CTBP2: variants seen among roughly 807,000 people sequenced by gnomAD.
CTBP2 encodes C-terminal binding protein 2.
A neutral mutation model predicts 80.3 loss-of-function variants in CTBP2; 30 were observed. The ratio of observed to expected loss-of-function variants is 0.37; its 90% CI spans 0.28 to 0.51. CTBP2 has a LOEUF of 0.51. Ranked by LOEUF, CTBP2 falls within the 20% of genes least tolerant of loss-of-function variation. The pLI is 0.93. For synonymous variants in CTBP2, 594 were observed against 587.4 expected (o/e 1.01, Z -0.16); for missense variants, 1,212 against 1,375.3 (o/e 0.88, Z 1.88).
At chr10:125,002,066 A>G (rs1377194659) in intron 3 of CTBP2, among the ~76,000 whole-genome samples, 2 of 152,224 alleles carry the variant, frequency 1.3e-5, no homozygotes, top group Non-Finnish European at 2.9e-5. Context: ...CGCCTGGGCT[A>G]TTCCTGGAGC....
At chr10:125,083,629 G>A (rs995547012) in intron 2 of CTBP2, among the ~76,000 whole-genome samples, 1 of 150,870 alleles carries the variant, frequency 6.6e-6, no homozygotes, top group South Asian at 2.1e-4. Context: ...GGATACACTC[G>A]CTGTTGTTTG....
At chr10:125,092,691 C>T (rs752178226) in intron 2 of CTBP2, among the ~76,000 whole-genome samples, 4 of 152,130 alleles carry the variant, frequency 2.6e-5, no homozygotes, top group South Asian at 2.1e-4. Context: ...GTGGTGCCAT[C>T]GGGAGGTGGT....
At chr10:125,136,026 G>T (rs1856921460) in intron 1 of CTBP2, among the ~76,000 whole-genome samples, 1 of 152,234 alleles carries the variant, frequency 6.6e-6, no homozygotes, top group Non-Finnish European at 1.5e-5. Context: ...TCCCTACCTG[G>T]TTGTTCATTA....
intron 1 of CTBP2, among the ~76,000 whole-genome samples, chr10:125,022,110 T>TG (rs1564726777): frequency 6.6e-6 from 1 of 152,254 alleles, no homozygotes; most frequent in Non-Finnish European, 1.5e-5. Flanking sequence ...CACTTCCATC[T>TG]GCCCCACGCC....
chr10:125,071,802 C>G (rs1457579417), intron 2 of CTBP2, among the ~76,000 whole-genome samples: 1 of 152,132 alleles, frequency 6.6e-6, no homozygotes, highest in Non-Finnish European at 1.5e-5. Flanking sequence ...TACCACCACC[C>G]CCAAACATTC....
At chr10:125,007,689 C>A (rs1955418249) in intron 1 of CTBP2, among the ~76,000 whole-genome samples, 1 of 152,234 alleles carries the variant, frequency 6.6e-6, no homozygotes, top group African/African-American at 2.4e-5. Flanking sequence ...CAAGAAGGAA[C>A]TGGATTGATC....
intron 4 of CTBP2, chr10:124,997,348 GGGACC>G: frequency 1.3e-5 from 2 of 154,844 alleles, no homozygotes; most frequent in Admixed American, 6.3e-5. Flanking sequence ...GAGCAGGGTG[GGGACC>G]TCCTCGAGCC....
chr10:124,997,823 C>G, intron 4 of CTBP2, 141 bp downstream of exon 6: 1 of 816,516 alleles, frequency 1.2e-6, no homozygotes, highest in South Asian at 1.7e-5. Flanking sequence ...GATCTCCTAC[C>G]CCGTGCAACA....
intron 1 of CTBP2, among the ~76,000 whole-genome samples, chr10:125,018,661 C>T (rs1318528722): frequency 1.3e-5 from 2 of 152,216 alleles, no homozygotes; most frequent in Non-Finnish European, 2.9e-5. Context: ...GCTGGTTTCC[C>T]CTACCTCGGC....
At chr10:125,056,010 C>T (rs1963833850) in intron 2 of CTBP2, among the ~76,000 whole-genome samples, 1 of 151,934 alleles carries the variant, frequency 6.6e-6, no homozygotes, top group Non-Finnish European at 1.5e-5. Context: ...ACTAAAAATA[C>T]AAAAACTAGC....
At chr10:125,150,714 G>A (rs1167143493) in intron 1 of CTBP2, among the ~76,000 whole-genome samples, 3 of 150,438 alleles carry the variant, frequency 2.0e-5, no homozygotes, top group African/African-American at 7.3e-5. Flanking sequence ...CAGGTGTCTG[G>A]CCTTTTCCCG....
At chr10:125,141,456 G>A (rs879787904) in intron 1 of CTBP2, among the ~76,000 whole-genome samples, 1 of 152,128 alleles carries the variant, frequency 6.6e-6, no homozygotes, top group Admixed American at 6.5e-5. Flanking sequence ...TCATTCCTCT[G>A]GGCTTTCCAC....
At chr10:125,105,141 G>A (rs1000335918) in intron 2 of CTBP2, among the ~76,000 whole-genome samples, 5 of 151,948 alleles carry the variant, frequency 3.3e-5, no homozygotes, top group Non-Finnish European at 5.9e-5. Context: ...GCCGCCACCT[G>A]GCCGAGTTTT....
At chr10:125,015,678 C>T (rs1312510360) in intron 1 of CTBP2, among the ~76,000 whole-genome samples, 1 of 152,242 alleles carries the variant, frequency 6.6e-6, no homozygotes, top group African/African-American at 2.4e-5. Flanking sequence ...CGCCCGCCCG[C>T]TGTGTGGATA....
At chr10:125,018,475 G>A (rs1056222588) in intron 1 of CTBP2, among the ~76,000 whole-genome samples, 1 of 151,794 alleles carries the variant, frequency 6.6e-6, no homozygotes, top group Non-Finnish European at 1.5e-5. Context: ...GGGTGACAGA[G>A]CAAGACTCTG....
chr10:125,099,773 A>AC (rs1251420296), intron 2 of CTBP2, among the ~76,000 whole-genome samples: 5 of 152,152 alleles, frequency 3.3e-5, no homozygotes, highest in Non-Finnish European at 1.5e-5. Flanking sequence ...CTTTCTCTGG[A>AC]CCCATCACTC....
At position 125,023,473 on chromosome 10, in the gene CTBP2, T is replaced by C. The variant is rs1056169329; in HGVS notation, c.1678+2609A>G. Among the ~76,000 whole-genome samples, 14 of 152,290 alleles carry C rather than the reference T, an allele frequency of 9.2e-5. No individual in the cohort carries two copies. The East Asian group carries it at 2.7e-3, about 30-fold the overall frequency. On this transcript the variant is annotated intron_variant, in intron 1 of 8. Transcript: ENST00000309035. ...GTGACAGCACGTGACACGGGGAGATTGCTGGCTCGCAGCCACCGCCGGAGG... is the reference window on the plus strand; with the variant it reads ...GTGACAGCACGTGACACGGGGAGATCGCTGGCTCGCAGCCACCGCCGGAGG...
At chr10:125,085,674 G>C (rs1430654167) in intron 2 of CTBP2, among the ~76,000 whole-genome samples, 1 of 152,220 alleles carries the variant, frequency 6.6e-6, no homozygotes, top group African/African-American at 2.4e-5. Context: ...AGTCCTGTCA[G>C]CTTTAAACTG....
chr10:125,021,135 G>A (rs916740799), intron 1 of CTBP2, among the ~76,000 whole-genome samples: 12 of 152,138 alleles, frequency 7.9e-5, no homozygotes, highest in African/African-American at 1.9e-4. Flanking sequence ...CTGAGACCCC[G>A]AGGGCCTCAG....
Sources: gnomAD v4.1 joint callset for allele counts (sites outside exome capture counted in the v4.1 genomes callset) on GRCh38, gnomAD v4.1.1 for gene constraint, MANE v1.5 for transcripts, NCBI Gene and HGNC (gene_info 2026-07-23, HGNC 2026-07-21) for gene names.